Variants in ABCA4 observed in about 807,000 individuals in gnomAD.
The protein encoded by ABCA4 is retinal-specific phospholipid-transporting ATPase ABCA4.
ABCA4 carries 196 observed loss-of-function variants against 263.7 expected under a neutral mutation model. The ratio of observed to expected loss-of-function variants is 0.74; its 90% CI spans 0.66 to 0.84. The LOEUF (loss-of-function observed/expected upper bound fraction) is 0.84, where lower values mean the gene tolerates loss of function less well. Among genes scored for constraint, ABCA4 ranks in the 40% least tolerant of loss-of-function variants. The probability of loss-of-function intolerance (pLI) is 0.00; values close to 1 mark genes in which losing one functional copy is unlikely to be tolerated. For synonymous variants in ABCA4, 1,133 were observed against 1,094.2 expected, an observed-to-expected ratio of 1.04 and a Z score of -0.70; for missense variants, 2,792 against 2,855.1, an observed-to-expected ratio of 0.98 and a Z score of 0.50.
intron 1 of ABCA4, among the ~76,000 whole-genome samples, chr1:94,117,743 G>A (rs1329804010): frequency 6.6e-6 from 1 of 152,008 alleles, no homozygotes; most frequent in Admixed American, 6.6e-5. Context: ...CCTCCCATCC[G>A]TGTTTCCTTC....
Position 94,021,933 on chromosome 1 carries a change from A to C in ABCA4, c.4686T>G (p.Ile1562Met), listed in dbSNP as rs1329136643. The C allele has an allele frequency of 1.9e-6, 3 of 1,614,062 alleles. No homozygotes were observed. Among genetic ancestry groups the C allele is most frequent in the Non-Finnish European group, 2.5e-6 (3 of 1,180,022 alleles). ...VNEQRYGGIS[I>M]GGKLPVVPIT... ...TGGGGACGACTGGGAGCTTTCCTCC[A>C]ATGGAAATTCCTCCATACCTGACAA... The change falls in exon 33 of 50, where the codon ATT becomes ATG. Residue 1562 changes from isoleucine (I) to methionine (M), a missense_variant. Ile to Met is a conservative substitution (Grantham distance 10). Transcript: ENST00000370225.
intron 10 of ABCA4, 23 bp from the exon 11 acceptor site, chr1:94,077,910 A>C (rs1230677115): frequency 6.2e-7 from 1 of 1,600,882 alleles, no homozygotes; most frequent in South Asian, 1.1e-5. Context: ...AAATACAGTC[A>C]CTGCTCTGCT....
rs1659424472 is a variant in ABCA4 at position 94,007,559 on chromosome 1, CT to C, written c.6005+74del. ...CCTCAGAGCCACCCTACTATAGGGT[CT>C]GATGATCACCCTTCCTATTCTTCTC... is the stretch of plus-strand genomic sequence containing the variant. On this transcript the variant is annotated intron_variant, in intron 43 of 49. Transcript: ENST00000370225. The C allele has an allele frequency of 2.2e-6, 3 of 1,341,736 alleles. No homozygotes were observed. In the South Asian group the frequency reaches 3.5e-5, roughly 16 times the overall value. The allele number at this position is 1,341,736 out of a possible 1,614,324, so 83.1% of individuals were successfully genotyped here.
chr1:94,001,629 C>G lies in ABCA4; in HGVS notation c.6282+229G>C, dbSNP rs1323199774. On this transcript the variant is annotated intron_variant, in intron 45 of 49. Coordinates refer to ENST00000370225, the MANE Select transcript of ABCA4 (RefSeq NM_000350.3). ...GGCCCCACAGGAGACATCCTGGGAACGCAGGATGTGCGCAGTCCCAAGTCA... is the reference window on the plus strand; with the variant it reads ...GGCCCCACAGGAGACATCCTGGGAAGGCAGGATGTGCGCAGTCCCAAGTCA... 8 of 697,882 alleles carry G rather than the reference C, an allele frequency of 1.1e-5. No homozygotes were observed. The African/African-American group carries it at 1.4e-4, about 12-fold the overall frequency. The allele number at this position is 697,882 out of a possible 1,614,324, so 43.2% of individuals were successfully genotyped here. A position where few individuals can be genotyped will look rare whatever the true frequency, so the allele number is the denominator to read the frequency against.
intron 11 of ABCA4, among the ~76,000 whole-genome samples, chr1:94,074,127 G>A (rs962877045): frequency 2.6e-5 from 4 of 152,168 alleles, no homozygotes; most frequent in Admixed American, 6.5e-5. Flanking sequence ...TGAGCCAGTC[G>A]ATCTGGGTTG....
Position 93,992,937 on chromosome 1 carries a change from G to A in ABCA4, c.*300C>T. On this transcript the variant is annotated 3_prime_UTR_variant, in exon 50 of 50. Coordinates refer to ENST00000370225, the MANE Select transcript of ABCA4 (RefSeq NM_000350.3). ...AAAAGCAGATCTGCTTGAAATGAGA[G>A]CAATATGGAGGCCAAAGCTGCTAGT... 2.1e-6 allele frequency: 1 copy of A among 485,528 alleles called. No homozygotes were observed. Among genetic ancestry groups the A allele is most frequent in the East Asian group, 3.6e-5 (1 of 27,496 alleles). 30.1% of individuals were successfully genotyped at this position (485,528 alleles called of 1,614,324 possible).
intron 11 of ABCA4, 28 bp from the exon 12 acceptor site, chr1:94,063,345 T>G: frequency 6.2e-7 from 1 of 1,607,536 alleles, no homozygotes; most frequent in South Asian, 1.1e-5. Context: ...GTTGAGAGAG[T>G]GTGAGGAGGA....
rs1215430675 is a variant in ABCA4, at chr1:94,015,663, C to T, written c.5312+76G>A. On this transcript the variant is annotated intron_variant, in intron 37 of 49. Transcript: ENST00000370225. ...ACCACCACAGGACAGCCCAGGTTTTCTGTCAGGAGATGATCCCCCACCCCC... is the reference window on the plus strand; with the variant it reads ...ACCACCACAGGACAGCCCAGGTTTTTTGTCAGGAGATGATCCCCCACCCCC... 6 of 1,265,362 alleles carry T rather than the reference C, an allele frequency of 4.7e-6. No individual in the cohort carries two copies. In the Admixed American group the frequency reaches 1.1e-4, roughly 24 times the overall value. 78.4% of individuals were successfully genotyped at this position (1,265,362 alleles called of 1,614,324 possible). A position where few individuals can be genotyped will look rare whatever the true frequency, so the allele number is the denominator to read the frequency against.
intron 11 of ABCA4, among the ~76,000 whole-genome samples, chr1:94,065,173 C>CA (rs150534538): frequency 0.015 from 2,232 of 152,208 alleles, 59 homozygotes; most frequent in African/African-American, 0.051. Context: ...CTTCCTGCCA[C>CA]ACCAGGAACC....
intron 11 of ABCA4, among the ~76,000 whole-genome samples, chr1:94,070,651 T>C (rs1661377359): frequency 6.6e-6 from 1 of 152,102 alleles, no homozygotes; most frequent in African/African-American, 2.4e-5. Context: ...AAACAAATCA[T>C]GATCAAGGGC....
At chr1:94,077,553 G>T in intron 11 of ABCA4, 137 bp downstream of exon 11, 1 of 785,012 alleles carries the variant, frequency 1.3e-6, no homozygotes. Flanking sequence ...AACTGTACAG[G>T]GGATGTAGGG....
intron 16 of ABCA4, among the ~76,000 whole-genome samples, chr1:94,053,327 A>G (rs527510055): frequency 2.6e-5 from 4 of 152,334 alleles, no homozygotes; most frequent in East Asian, 3.9e-4. Context: ...AATTCTGGAT[A>G]GTGTCAGAAT....
At chr1:94,089,286 T>C (rs1661911395) in intron 6 of ABCA4, among the ~76,000 whole-genome samples, 1 of 152,214 alleles carries the variant, frequency 6.6e-6, no homozygotes, top group Non-Finnish European at 1.5e-5. Context: ...TTAGAAGTGT[T>C]TGTAAAGTGG....
chr1:94,030,635 C>T, intron 28 of ABCA4, 109 bp from the exon 29 acceptor site: 2 of 1,077,972 alleles, frequency 1.9e-6, no homozygotes, highest in Non-Finnish European at 2.8e-6. Flanking sequence ...ATTGGAGGCA[C>T]CGAATGCTGC....
Position 94,063,230 on chromosome 1 carries a change from A to G in ABCA4, c.1642T>C (p.Trp548Arg). ...ALSLLEENMF[W>R]AGVVFPDMYP... Reference sequence around the variant, plus strand: ...ATGTCAGGGAATACCACTCCGGCCCAGAACATGTTTTCCTCCAGTAGAGAG... The same window carrying G: ...ATGTCAGGGAATACCACTCCGGCCCGGAACATGTTTTCCTCCAGTAGAGAG... The change falls in exon 12 of 50, where the codon TGG becomes CGG. Residue 548 changes from tryptophan to arginine, a missense_variant. Physicochemically the swap from Trp to Arg is moderately radical, Grantham distance 101. Transcript: ENST00000370225. 1 of 1,614,158 alleles carries G rather than the reference A, an allele frequency of 6.2e-7. No homozygotes were observed. The highest frequency in any genetic ancestry group is 8.5e-7 in the Non-Finnish European group (1 of 1,180,016).
chr1:94,046,830 G>T, intron 19 of ABCA4, 89 bp downstream of exon 19: 2 of 1,514,060 alleles, frequency 1.3e-6, no homozygotes, highest in Admixed American at 1.7e-5. Flanking sequence ...AAAATTTGTG[G>T]GAAAGAGTAG....
At chr1:94,005,976 C>T (rs1256777950) in intron 43 of ABCA4, among the ~76,000 whole-genome samples, 1 of 152,230 alleles carries the variant, frequency 6.6e-6, no homozygotes, top group African/African-American at 2.4e-5. Context: ...TGGAAGTAAA[C>T]TTCTCTATCT....
At chr1:94,032,647 G>A (rs11165068) in intron 26 of ABCA4, among the ~76,000 whole-genome samples, 76,415 of 151,982 alleles carry the variant, frequency 0.5, 19,436 homozygotes, top group African/African-American at 0.59. Flanking sequence ...ACAGCACAAA[G>A]AAAACCAAAC....
At chr1:94,043,944 A>C (rs1660593748) in intron 20 of ABCA4, among the ~76,000 whole-genome samples, 1 of 152,072 alleles carries the variant, frequency 6.6e-6, no homozygotes, top group South Asian at 2.1e-4. Flanking sequence ...ATTACAGGTG[A>C]CTTTTATTTT....
Sources: gnomAD v4.1 joint callset for allele counts (sites outside exome capture counted in the v4.1 genomes callset) on GRCh38, gnomAD v4.1.1 for gene constraint, MANE v1.5 for transcripts, NCBI Gene and HGNC (gene_info 2026-07-23, HGNC 2026-07-21) for gene names.